The following HIVEP1 variants were observed in gnomAD, a reference collection of about 807,000 sequenced individuals.
HIVEP1 encodes the protein HIVEP zinc finger 1, also known as zinc finger protein 40.
Under a neutral mutation model 180.0 loss-of-function variants are expected in HIVEP1, and 36 were observed. The ratio of observed to expected loss-of-function variants is 0.20; its 90% CI spans 0.15 to 0.26. The LOEUF (loss-of-function observed/expected upper bound fraction) is 0.26, where lower values mean the gene tolerates loss of function less well. HIVEP1 is among the 10% of genes least tolerant of loss of function. HIVEP1 has a pLI of 1.00. For missense variants in HIVEP1, 3,143 were observed against 3,268.7 expected, an observed-to-expected ratio of 0.96 and a Z score of 0.94; for synonymous variants, 1,239 against 1,239.0, an observed-to-expected ratio of 1.00 and a Z score of 0.00.
In HIVEP1 at chr6:12,122,843, T is replaced by C; in HGVS notation, c.3048T>C (p.Ala1016=). ...LQPQILHYRV[A]GSSGIWEQTP... is the part of the protein sequence containing the mutation. ...CTCAGATTCTACACTACAGAGTCGCTGGGTCCTCCGGCATCTGGGAACAGA... is the reference window on the plus strand; with the variant it reads ...CTCAGATTCTACACTACAGAGTCGCCGGGTCCTCCGGCATCTGGGAACAGA... Residue 1016 remains alanine (A), a synonymous_variant, in exon 4 of 9, where the codon GCT becomes GCC. Coordinates refer to ENST00000379388, the MANE Select transcript of HIVEP1 (RefSeq NM_002114.4). The C allele has an allele frequency of 6.2e-7, 1 of 1,614,120 alleles. No individual in the cohort carries two copies. The highest frequency in any genetic ancestry group is 1.1e-5 in the South Asian group (1 of 91,084).
At chr6:12,015,162 A>G (rs1159111629) in intron 1 of HIVEP1, among the ~76,000 whole-genome samples, 1 of 152,226 alleles carries the variant, frequency 6.6e-6, no homozygotes, top group East Asian at 1.9e-4. Context: ...CTAAAACAAG[A>G]TGAACAAGAC....
At chr6:12,118,096 C>T (rs1775330516) in intron 3 of HIVEP1, among the ~76,000 whole-genome samples, 1 of 149,632 alleles carries the variant, frequency 6.7e-6, no homozygotes, top group African/African-American at 2.5e-5. Context: ...ATACTTTTTT[C>T]TATTGTTCTT....
At position 12,014,268 on chromosome 6, in the gene HIVEP1, A is replaced by G. The variant is rs535119296; in HGVS notation, c.-103-1258A>G. Among the ~76,000 whole-genome samples, 3 of 152,368 alleles carry G rather than the reference A, an allele frequency of 2.0e-5. No individual in the cohort carries two copies. In the East Asian group the frequency reaches 5.8e-4, roughly 29 times the overall value. On this transcript the variant is annotated intron_variant, in intron 1 of 8. Coordinates refer to ENST00000379388, the MANE Select transcript of HIVEP1 (RefSeq NM_002114.4). ...TGACTTGCTGCGCCTCTTGAAAGAA[A>G]TCCTGAAAGTAGATGTTATCAGCTC...
intron 2 of HIVEP1, among the ~76,000 whole-genome samples, chr6:12,052,015 G>C (rs956748293): frequency 6.6e-6 from 1 of 152,172 alleles, no homozygotes; most frequent in Non-Finnish European, 1.5e-5. Flanking sequence ...ATAGCATGTC[G>C]TGGTGTGTGG....
intron 2 of HIVEP1, among the ~76,000 whole-genome samples, chr6:12,057,089 A>G (rs1191193617): frequency 1.3e-5 from 2 of 152,128 alleles, no homozygotes; most frequent in East Asian, 3.9e-4. Flanking sequence ...TTGGTTTAAC[A>G]TGTCTGTATA....
intron 2 of HIVEP1, among the ~76,000 whole-genome samples, chr6:12,076,409 A>T (rs75589306): frequency 0.15 from 23,401 of 152,134 alleles, 2,357 homozygotes; most frequent in Non-Finnish European, 0.23. Flanking sequence ...ATGCTGTTTT[A>T]GTCTGTTTGT....
chr6:12,166,752 A>T (rs1760708526), downstream of HIVEP1, among the ~76,000 whole-genome samples: 1 of 152,206 alleles, frequency 6.6e-6, no homozygotes, highest in Admixed American at 6.5e-5. Flanking sequence ...ACTACATTTG[A>T]CTTTTATTCT....
the HIVEP1 span, among the ~76,000 whole-genome samples, chr6:12,194,529 G>A: frequency 0.24 from 35,848 of 152,090 alleles, 4,646 homozygotes; most frequent in East Asian, 0.51. Context: ...GGCCGGACGC[G>A]GTGGCTCACA....
chr6:12,098,664 C>T (rs952390281), intron 3 of HIVEP1, among the ~76,000 whole-genome samples: 2 of 152,046 alleles, frequency 1.3e-5, no homozygotes, highest in African/African-American at 4.8e-5. Context: ...AGACATGTTG[C>T]ATAAACCTGA....
chr6:12,108,289 C>T (rs539650255), intron 3 of HIVEP1, among the ~76,000 whole-genome samples: 11 of 152,318 alleles, frequency 7.2e-5, no homozygotes, highest in East Asian at 1.9e-4. Context: ...AAAGATTCTC[C>T]GCGTCCCCAC....
At chr6:12,076,453 T>C (rs893101149) in intron 2 of HIVEP1, among the ~76,000 whole-genome samples, 2 of 152,184 alleles carry the variant, frequency 1.3e-5, no homozygotes, top group African/African-American at 4.8e-5. Flanking sequence ...GACTGGATAA[T>C]TTATAAAGGA....
the HIVEP1 span, among the ~76,000 whole-genome samples, chr6:12,194,361 CAGAGAGAG>C: frequency 2.7e-5 from 4 of 147,792 alleles, no homozygotes; most frequent in Non-Finnish European, 6.0e-5. Flanking sequence ...AAGGAGAGTA[CAGAGAGAG>C]AGAGAGAGAG....
chr6:12,158,811 A>G (rs762809327), intron 7 of HIVEP1, among the ~76,000 whole-genome samples: 2 of 152,100 alleles, frequency 1.3e-5, no homozygotes, highest in African/African-American at 2.4e-5. Flanking sequence ...CTCACAGGAT[A>G]GGTCTTTTGT....
chr6:12,034,500 G>A (rs1345949796), intron 2 of HIVEP1, among the ~76,000 whole-genome samples: 1 of 152,216 alleles, frequency 6.6e-6, no homozygotes, highest in Non-Finnish European at 1.5e-5. Flanking sequence ...TGTAGCCTCA[G>A]CGACCCTGAC....
chr6:12,067,491 G>A (rs1013616469), intron 2 of HIVEP1, among the ~76,000 whole-genome samples: 1 of 147,746 alleles, frequency 6.8e-6, no homozygotes, highest in African/African-American at 2.4e-5. Context: ...TAAAGTTTTT[G>A]AGCTTGGATT....
At chr6:12,104,413 T>TCC in intron 3 of HIVEP1, among the ~76,000 whole-genome samples, 1 of 134,696 alleles carries the variant, frequency 7.4e-6, no homozygotes, top group South Asian at 2.5e-4. Context: ...TCTCTCTCTC[T>TCC]CCTTTTCTTT....
chr6:12,201,539 C>T, the HIVEP1 span, among the ~76,000 whole-genome samples: 6 of 152,082 alleles, frequency 3.9e-5, no homozygotes, highest in Non-Finnish European at 8.8e-5. Flanking sequence ...GTATAAGGCA[C>T]GGTCTGTAGT....
At chr6:12,138,479 C>T (rs1758820460) in intron 7 of HIVEP1, among the ~76,000 whole-genome samples, 3 of 152,224 alleles carry the variant, frequency 2.0e-5, no homozygotes, top group African/African-American at 7.2e-5. Context: ...CAGCATGATG[C>T]TGTGTCTGGA....
chr6:12,208,071 A>G, the HIVEP1 span, among the ~76,000 whole-genome samples: 1 of 152,196 alleles, frequency 6.6e-6, no homozygotes, highest in Non-Finnish European at 1.5e-5. Flanking sequence ...TACTTCTTAA[A>G]AAGCAATTTA....
Sources: gnomAD v4.1 joint callset for allele counts (sites outside exome capture counted in the v4.1 genomes callset) on GRCh38, gnomAD v4.1.1 for gene constraint, MANE v1.5 for transcripts, NCBI Gene and HGNC (gene_info 2026-07-23, HGNC 2026-07-21) for gene names.